IL17RA: variants seen among roughly 807,000 people sequenced by gnomAD.
The protein encoded by IL17RA is interleukin 17 receptor A.
A neutral mutation model predicts 50.4 loss-of-function variants in IL17RA; 34 were observed. The ratio of observed to expected loss-of-function variants is 0.67; its 90% CI spans 0.51 to 0.90. The LOEUF is 0.90. Ranked by LOEUF, IL17RA falls within the 40% of genes least tolerant of loss-of-function variation. The pLI is 0.00. For missense variants in IL17RA, 1,276 were observed against 1,169.8 expected, an observed-to-expected ratio of 1.09 and a Z score of -1.32; for synonymous variants, 585 against 510.4, an observed-to-expected ratio of 1.15 and a Z score of -1.97.
intron 1 of IL17RA, among the ~76,000 whole-genome samples, chr22:17,085,970 G>T (rs1391848074): frequency 5.9e-5 from 9 of 151,788 alleles, no homozygotes; most frequent in Non-Finnish European, 1.2e-4. Context: ...CGCCCTTCCC[G>T]CCACTCCCAC....
In IL17RA at chr22:17,098,799, CAG is replaced by C; in HGVS notation, c.338_339del (p.Glu113ValfsTer10). The C allele has an allele frequency of 3.1e-6, 5 of 1,614,150 alleles. No individual in the cohort carries two copies. Among genetic ancestry groups the C allele is most frequent in the Non-Finnish European group, 4.2e-6 (5 of 1,180,012 alleles). Reference sequence around the variant, plus strand: ...GCCAGCATCCTGTACCTCGAGGGTGCAGAGTTATCTGTCCTGCAGCTGAACAC... The same window carrying C: ...GCCAGCATCCTGTACCTCGAGGGTGCAGTTATCTGTCCTGCAGCTGAACAC... On this transcript the variant is annotated frameshift_variant, in exon 4 of 13. Transcript: ENST00000319363. LOFTEE classifies it high-confidence loss of function.
In IL17RA at chr22:17,113,072, G is replaced by A. The variant is rs1353576986; in HGVS notation, c.*3252G>A. 6.7e-6 allele frequency: 1 copy of A among 148,366 alleles called. No individual in the cohort carries two copies. The highest frequency in any genetic ancestry group is 1.5e-5 in the Non-Finnish European group (1 of 67,508). 9.2% of individuals were successfully genotyped at this position (148,366 alleles called of 1,614,324 possible). ...CTCTTTTCTGCATAGGAAGGTCCTT[G>A]AAGGTGTTTAGGGTCTAAAAAGGGT... On this transcript the variant is annotated 3_prime_UTR_variant, in exon 13 of 13. Coordinates refer to ENST00000319363, the MANE Select transcript of IL17RA (RefSeq NM_014339.7).
chr22:17,091,064 A>T (rs536726422), intron 1 of IL17RA, among the ~76,000 whole-genome samples: 1 of 152,310 alleles, frequency 6.6e-6, no homozygotes, highest in East Asian at 1.9e-4. Flanking sequence ...ACAGGTCTAG[A>T]CCAGAACAGA....
chr22:17,097,824 A>G lies in IL17RA; in HGVS notation c.191A>G (p.His64Arg). Residue 64 changes from histidine (H) to arginine (R), a missense_variant, in exon 3 of 13, where the codon CAC (histidine) becomes CGC (arginine). Physicochemically the swap from His to Arg is conservative, Grantham distance 29 (BLOSUM62 0). Transcript: ENST00000319363. The part of the protein sequence containing the change: ...NSTCLDDSWI[H>R]PRNLTPSSPK... Reference sequence around the variant, plus strand: ...ACCTGCCTGGATGACAGCTGGATTCACCCTCGAAACCTGACCCCCTCCTCC... The same window carrying G: ...ACCTGCCTGGATGACAGCTGGATTCGCCCTCGAAACCTGACCCCCTCCTCC... 1 of 1,614,096 alleles carries G rather than the reference A, an allele frequency of 6.2e-7. No homozygotes were observed. The highest frequency in any genetic ancestry group is 8.5e-7 in the Non-Finnish European group (1 of 1,180,020).
Position 17,103,521 on chromosome 22 carries a change from T to C in IL17RA, c.790T>C (p.Ser264Pro), listed in dbSNP as rs1242913404. Residue 264 changes from serine (S) to proline (P), a missense_variant, in exon 8 of 13, where the codon TCC (serine) becomes CCC (proline). Transcript: ENST00000319363. ...APRPEEFHQR[S>P]NVTLTLRNLK... ...CAGACCAGAAGAGTTCCACCAGCGA[T>C]CCAACGTCACACTCACTCTACGCAA... 7 of 1,613,922 alleles carry C rather than the reference T, an allele frequency of 4.3e-6. No homozygotes were observed. The highest frequency in any genetic ancestry group is 5.1e-6 in the Non-Finnish European group (6 of 1,179,960).
intron 1 of IL17RA, among the ~76,000 whole-genome samples, chr22:17,094,675 C>CTATATATATATATGTGTATATATATATA (rs1568917420): frequency 6.1e-5 from 3 of 49,336 alleles, no homozygotes; most frequent in Non-Finnish European, 7.7e-5. Context: ...CTCTCTCTCT[C>CTATATATATATATGTGTATATATATATA]TCTCTCTCTC....
intron 5 of IL17RA, among the ~76,000 whole-genome samples, chr22:17,100,845 G>C (rs1339532920): frequency 6.6e-6 from 1 of 152,126 alleles, no homozygotes; most frequent in Non-Finnish European, 1.5e-5. Flanking sequence ...CCCCAGCCTG[G>C]TCCCAGCCTC....
intron 1 of IL17RA, among the ~76,000 whole-genome samples, chr22:17,095,896 T>C: frequency 6.6e-6 from 1 of 152,168 alleles, no homozygotes; most frequent in East Asian, 1.9e-4. Context: ...TGCGTGCAGA[T>C]GTCATCCTGT....
intron 4 of IL17RA, among the ~76,000 whole-genome samples, chr22:17,100,099 T>C (rs1225379314): frequency 2.7e-5 from 4 of 150,204 alleles, no homozygotes; most frequent in African/African-American, 9.8e-5. Context: ...CCCAAATTCT[T>C]TTGCCTTATT....
At chr22:17,085,368 G>A in intron 1 of IL17RA, 139 bp downstream of exon 1, 1 of 1,401,796 alleles carries the variant, frequency 7.1e-7, no homozygotes, top group Non-Finnish European at 9.4e-7. Context: ...GGGGCTCAGA[G>A]CCTTGGGCAC....
Position 17,105,613 on chromosome 22 carries a change from A to T in IL17RA, c.943+11A>T. The stretch of plus-strand genomic sequence containing the variant: ...CAGAACCAATTCCGGGTAAGCTTGG[A>T]TCTCTCTCCGACAGCACTGCAGCCC... On this transcript the variant is annotated intron_variant, in intron 10 of 12. Coordinates refer to ENST00000319363, the MANE Select transcript of IL17RA (RefSeq NM_014339.7). The T allele has an allele frequency of 6.2e-7, 1 of 1,613,234 alleles. No homozygotes were observed. The highest frequency in any genetic ancestry group is 8.5e-7 in the Non-Finnish European group (1 of 1,179,204).
At chr22:17,092,121 A>G (rs2061350352) in intron 1 of IL17RA, among the ~76,000 whole-genome samples, 3 of 152,068 alleles carry the variant, frequency 2.0e-5, no homozygotes, top group South Asian at 2.1e-4. Flanking sequence ...TGAAGTTGCA[A>G]TGGCCAGTGG....
rs1423791616 is a variant in IL17RA at position 17,110,966 on chromosome 22, A to G, written c.*1146A>G. On this transcript the variant is annotated 3_prime_UTR_variant, in exon 13 of 13. Coordinates refer to ENST00000319363, the MANE Select transcript of IL17RA (RefSeq NM_014339.7). ...TTGTGGTTGGGGAAAGCGTAGTCCC[A>G]GCAAGGAAGCAGTTTGTGGGTAAGT... 2 of 152,384 alleles carry G rather than the reference A, an allele frequency of 1.3e-5. No individual in the cohort carries two copies. The highest frequency in any genetic ancestry group is 2.9e-5 in the Non-Finnish European group (2 of 68,176). 9.4% of individuals were successfully genotyped at this position (152,384 alleles called of 1,614,324 possible).
chr22:17,109,729 G>A lies in IL17RA; in HGVS notation c.2510G>A (p.Arg837Lys), dbSNP rs1372010968. The change falls in exon 13 of 13, where the codon AGG (arginine) becomes AAG (lysine). Residue 837 changes from arginine to lysine, a missense_variant. Arg to Lys is a conservative substitution (Grantham distance 26). Transcript: ENST00000319363. The stretch of plus-strand genomic sequence containing the variant: ...TCTCCCGAGGACCTGGAGAGCCTGA[G>A]GAGCCTCCAGCGGCAGCTGCTTTTC... ...PLSPEDLESLRSLQRQLLFRQ... is the reference protein window; with the variant it reads ...PLSPEDLESLKSLQRQLLFRQ... The A allele has an allele frequency of 1.3e-6, 2 of 1,574,962 alleles. No homozygotes were observed.
At chr22:17,100,983 G>C (rs896983669) in intron 5 of IL17RA, among the ~76,000 whole-genome samples, 2 of 152,140 alleles carry the variant, frequency 1.3e-5, no homozygotes, top group African/African-American at 2.4e-5. Context: ...TTCTTCTCAG[G>C]CATCCTTTGA....
chr22:17,104,391 GGA>G (rs1374037112), intron 8 of IL17RA, among the ~76,000 whole-genome samples: 1 of 150,476 alleles, frequency 6.6e-6, no homozygotes, highest in African/African-American at 2.5e-5. Context: ...GTGCACAGGT[GGA>G]GAGTGTGGTG....
chr22:17,098,906 A>T lies in IL17RA; in HGVS notation c.423+19A>T. Reference sequence around the variant, plus strand: ...CAGGCGGGTAAGAACACAGCTCCTGAGTGGATTATGTTCCACTGATGACAC... The same window carrying T: ...CAGGCGGGTAAGAACACAGCTCCTGTGTGGATTATGTTCCACTGATGACAC... On this transcript the variant is annotated intron_variant, in intron 4 of 12. Transcript: ENST00000319363. 1 of 1,588,064 alleles carries T rather than the reference A, an allele frequency of 6.3e-7. No homozygotes were observed. The highest frequency in any genetic ancestry group is 2.2e-5 in the East Asian group (1 of 44,772).
intron 9 of IL17RA, 55 bp downstream of exon 9, chr22:17,104,865 C>T (rs1260557308): frequency 6.5e-7 from 1 of 1,544,686 alleles, no homozygotes; most frequent in African/African-American, 1.4e-5. Context: ...GGCTGAAGGC[C>T]CCCAGCCTGT....
Position 17,113,010 on chromosome 22 carries a change from T to G in IL17RA, c.*3190T>G, listed in dbSNP as rs1409293462. On this transcript the variant is annotated 3_prime_UTR_variant, in exon 13 of 13. Coordinates refer to ENST00000319363, the MANE Select transcript of IL17RA (RefSeq NM_014339.7). ...CCTAGTTTTTTTTTTGTTTTTTTTT[T>G]TTTTAAGGAATAATTACTTTGATTC... is the stretch of plus-strand genomic sequence containing the variant. 1.3e-5 allele frequency: 2 copies of G among 151,896 alleles called. No homozygotes were observed. The highest frequency in any genetic ancestry group is 1.5e-5 in the Non-Finnish European group (1 of 67,976). The allele number at this position is 151,896 out of a possible 1,614,324, so 9.4% of individuals were successfully genotyped here.
Sources: allele counts gnomAD v4.1 joint callset (sites outside exome capture counted in the v4.1 genomes callset), GRCh38; gene constraint gnomAD v4.1.1; transcripts MANE v1.5; gene names NCBI Gene and HGNC (gene_info 2026-07-23, HGNC 2026-07-21).